Variants in TRAPPC9 observed in about 807,000 individuals in gnomAD.
TRAPPC9 encodes trafficking protein particle complex subunit 9.
TRAPPC9 carries 83 observed loss-of-function variants against 124.0 expected under a neutral mutation model. The ratio of observed to expected loss-of-function variants is 0.67; its 90% CI spans 0.56 to 0.80. The LOEUF (loss-of-function observed/expected upper bound fraction) is 0.80, where lower values mean the gene tolerates loss of function less well. Ranked by LOEUF, TRAPPC9 falls within the 30% of genes least tolerant of loss-of-function variation. TRAPPC9 has a pLI of 0.00. For synonymous variants in TRAPPC9, 638 were observed against 617.5 expected, an observed-to-expected ratio of 1.03 and a Z score of -0.49; for missense variants, 1,302 against 1,508.3, an observed-to-expected ratio of 0.86 and a Z score of 2.27.
chr8:140,341,859 TA>T (rs2067205055), intron 9 of TRAPPC9, among the ~76,000 whole-genome samples: 1 of 152,048 alleles, frequency 6.6e-6, no homozygotes, highest in Non-Finnish European at 1.5e-5. Context: ...GCACAGCAGC[TA>T]AGTCTCTCTC....
At chr8:139,801,755 T>C (rs775768967) in intron 21 of TRAPPC9, among the ~76,000 whole-genome samples, 3 of 152,210 alleles carry the variant, frequency 2.0e-5, no homozygotes, top group Non-Finnish European at 2.9e-5. Context: ...TATGCTGTGT[T>C]ACCTCCTTTC....
intron 17 of TRAPPC9, among the ~76,000 whole-genome samples, chr8:140,025,565 C>CAAAAAAAAAAAAAAAAAAAA (rs11329773): frequency 8.1e-6 from 1 of 123,842 alleles, no homozygotes; most frequent in Non-Finnish European, 1.7e-5. Flanking sequence ...AAGCAAAATG[C>CAAAAAAAAAAAAAAAAAAAA]AAAAAAAAAA....
chr8:140,444,678 T>A (rs1197387219), intron 2 of TRAPPC9, among the ~76,000 whole-genome samples: 1 of 150,904 alleles, frequency 6.6e-6, no homozygotes, highest in Non-Finnish European at 1.5e-5. Context: ...CTAGCCAACA[T>A]GGTGAGACCC....
intron 19 of TRAPPC9, among the ~76,000 whole-genome samples, chr8:139,927,981 T>C (rs981896583): frequency 9.2e-5 from 14 of 152,122 alleles, no homozygotes; most frequent in African/African-American, 2.7e-4. Flanking sequence ...CTTTTGGGGG[T>C]GATAGCAACA....
intron 21 of TRAPPC9, among the ~76,000 whole-genome samples, chr8:139,783,853 A>G (rs911041037): frequency 6.6e-5 from 10 of 152,264 alleles, no homozygotes; most frequent in Non-Finnish European, 1.5e-4. Flanking sequence ...AAATCAATCA[A>G]CGTAATTCAC....
At chr8:140,169,205 A>C (rs1372389754) in intron 17 of TRAPPC9, among the ~76,000 whole-genome samples, 1 of 152,108 alleles carries the variant, frequency 6.6e-6, no homozygotes, top group East Asian at 1.9e-4. Flanking sequence ...AATAAAAAAT[A>C]GTTATTGAGT....
Position 140,106,587 on chromosome 8 carries a change from G to A in TRAPPC9, c.2557-82508C>T, listed in dbSNP as rs72687208. On this transcript the variant is annotated intron_variant, in intron 17 of 22. Coordinates refer to ENST00000438773, the MANE Select transcript of TRAPPC9 (RefSeq NM_001160372.4). The stretch of plus-strand genomic sequence containing the variant: ...GTGAACACCAGCTGTGTTCTTGGTC[G>A]TGGGGGAGCGAGGGGGCAGTGAGGT... Among the ~76,000 whole-genome samples the A allele has an allele frequency of 6.0e-3, 918 of 152,286 alleles. 3 individuals carry two copies. The highest frequency in any genetic ancestry group is 9.8e-3 in the Non-Finnish European group (666 of 68,014).
chr8:139,768,252 T>C (rs1193086020), intron 21 of TRAPPC9, among the ~76,000 whole-genome samples: 2 of 152,192 alleles, frequency 1.3e-5, no homozygotes, highest in African/African-American at 4.8e-5. Context: ...AAGAAATACA[T>C]AAAGGAGGCA....
At chr8:140,178,644 T>C (rs541019548) in intron 17 of TRAPPC9, among the ~76,000 whole-genome samples, 36 of 152,240 alleles carry the variant, frequency 2.4e-4, no homozygotes, top group African/African-American at 8.2e-4. Context: ...ATAATACAAA[T>C]TGGGAAATGT....
intron 19 of TRAPPC9, among the ~76,000 whole-genome samples, chr8:139,928,984 A>AGAC (rs1471677410): frequency 6.7e-5 from 10 of 149,102 alleles, no homozygotes; most frequent in African/African-American, 2.6e-4. Flanking sequence ...TGCTTACGGG[A>AGAC]GACGTGTGCG....
At chr8:139,786,017 G>A (rs1016104149) in intron 21 of TRAPPC9, among the ~76,000 whole-genome samples, 3 of 151,966 alleles carry the variant, frequency 2.0e-5, no homozygotes, top group African/African-American at 7.3e-5. Flanking sequence ...GACCAGCCTG[G>A]CCAACATGGT....
At position 139,825,545 on chromosome 8, in the gene TRAPPC9, C is replaced by T. The variant is rs1009426632; in HGVS notation, c.3055+60334G>A. Among the ~76,000 whole-genome samples the T allele has an allele frequency of 6.6e-6, 1 of 152,186 alleles. No homozygotes were observed. Among genetic ancestry groups the T allele is most frequent in the Non-Finnish European group, 1.5e-5 (1 of 68,046 alleles). On this transcript the variant is annotated intron_variant, in intron 21 of 22. Transcript: ENST00000438773. This position sits in a 1 kb window ranked among gnomAD's most constrained non-coding sequence, Gnocchi z 4.6. ...GAATCTCCACTCAGAGAATCTCTGC[C>T]CTTAATCCCTTTGGGATCAATTAAT...
chr8:140,000,573 G>T (rs554115226), intron 18 of TRAPPC9, among the ~76,000 whole-genome samples: 35 of 152,248 alleles, frequency 2.3e-4, no homozygotes, highest in African/African-American at 7.9e-4. Flanking sequence ...GTGGGTGAAG[G>T]ATATGAACAG....
chr8:139,906,703 C>G (rs1051464189), intron 20 of TRAPPC9, among the ~76,000 whole-genome samples: 5 of 152,146 alleles, frequency 3.3e-5, no homozygotes, highest in Non-Finnish European at 7.4e-5. Flanking sequence ...TCCCTTTGTT[C>G]AGGCCCTTGT....
chr8:140,150,286 A>G (rs761034493), intron 17 of TRAPPC9, among the ~76,000 whole-genome samples: 10 of 152,150 alleles, frequency 6.6e-5, no homozygotes, highest in Non-Finnish European at 1.3e-4. Flanking sequence ...TGTCTCTACT[A>G]AAAATACAAA....
intron 17 of TRAPPC9, among the ~76,000 whole-genome samples, chr8:140,185,719 C>T (rs2062337863): frequency 6.6e-6 from 1 of 152,208 alleles, no homozygotes; most frequent in African/African-American, 2.4e-5. Context: ...TGCAGTGCCA[C>T]GTGGTGCAGT....
intron 20 of TRAPPC9, among the ~76,000 whole-genome samples, chr8:139,903,809 A>C (rs1467435378): frequency 2.0e-5 from 3 of 152,160 alleles, no homozygotes; most frequent in African/African-American, 7.2e-5. Context: ...GGGAGGCCGA[A>C]GTGGGCAGAT....
chr8:140,401,878 A>G (rs537601613), intron 6 of TRAPPC9, among the ~76,000 whole-genome samples: 14 of 149,786 alleles, frequency 9.3e-5, no homozygotes, highest in Admixed American at 2.7e-4. Context: ...CTCCCACCTC[A>G]GCCTCCCAAA....
chr8:139,913,945 A>G (rs2131297117), intron 19 of TRAPPC9: 1 of 152,720 alleles, frequency 6.5e-6, no homozygotes. Context: ...CAGCCCTGTG[A>G]CTGTTAACCC....
Sources: gnomAD v4.1 joint callset for allele counts (sites outside exome capture counted in the v4.1 genomes callset) on GRCh38, gnomAD v4.1.1 for gene constraint, Gnocchi (gnomAD v3.1) non-coding constraint, MANE v1.5 for transcripts, NCBI Gene and HGNC (gene_info 2026-07-23, HGNC 2026-07-21) for gene names.